The following MRPS5 variants were observed in gnomAD, a reference collection of about 807,000 sequenced individuals.
The protein encoded by MRPS5 is small ribosomal subunit protein uS5m.
A neutral mutation model predicts 51.9 loss-of-function variants in MRPS5; 27 were observed. That is an observed-to-expected ratio of 0.52 (90% CI 0.38 to 0.72). The LOEUF is 0.72. MRPS5 is among the 30% of genes least tolerant of loss of function. The pLI, the probability that MRPS5 is intolerant of heterozygous loss-of-function variation, is 0.00. For missense variants in MRPS5, 570 were observed against 545.7 expected (o/e 1.04, Z -0.44); for synonymous variants, 196 against 193.2 (o/e 1.01, Z -0.12).
At chr2:95,111,049 A>G (rs1424265808) in intron 3 of MRPS5, among the ~76,000 whole-genome samples, 1 of 152,172 alleles carries the variant, frequency 6.6e-6, no homozygotes, top group Non-Finnish European at 1.5e-5. Context: ...TTAGGGTTAT[A>G]ATACTTTTAA....
intron 11 of MRPS5, among the ~76,000 whole-genome samples, chr2:95,089,467 A>C (rs1235863747): frequency 1.3e-5 from 2 of 152,236 alleles, no homozygotes; most frequent in Non-Finnish European, 1.5e-5. Flanking sequence ...TTCAAGAGAC[A>C]GGCCAGCCCT....
rs1474197644 is a variant in MRPS5 at position 95,087,045 on chromosome 2, C to A, written c.*312G>T. Among the ~76,000 whole-genome samples, 1 of 152,146 alleles carries A rather than the reference C, an allele frequency of 6.6e-6. No individual in the cohort carries two copies. The highest frequency in any genetic ancestry group is 2.4e-5 in the African/African-American group (1 of 41,428). ...TATATATTAGCTATAATTACTACAGCAATTATCATTGTGTACATTATTACT... is the reference window on the plus strand; with the variant it reads ...TATATATTAGCTATAATTACTACAGAAATTATCATTGTGTACATTATTACT... On this transcript the variant is annotated 3_prime_UTR_variant, in exon 12 of 12. Transcript: ENST00000272418.
At position 95,109,962 on chromosome 2, in the gene MRPS5, T is replaced by C; in HGVS notation, c.357A>G (p.Lys119=). ...GAKKGRGKRT[K]KKKRKDLNRG... Reference sequence around the variant, plus strand: ...TGTTCAGATCCTTTCTTTTCTTCTTTTTAGTTCTTTTGCCTCTTCCTTTTT... The same window carrying C: ...TGTTCAGATCCTTTCTTTTCTTCTTCTTAGTTCTTTTGCCTCTTCCTTTTT... The change falls in exon 4 of 12, where the codon AAA becomes AAG. Residue 119 remains lysine, a synonymous_variant. Coordinates refer to ENST00000272418, the MANE Select transcript of MRPS5 (RefSeq NM_031902.5). The C allele has an allele frequency of 1.2e-6, 2 of 1,614,120 alleles. No homozygotes were observed. The highest frequency in any genetic ancestry group is 1.7e-6 in the Non-Finnish European group (2 of 1,180,014).
At chr2:95,094,157 G>A (rs1398601826) in intron 10 of MRPS5, among the ~76,000 whole-genome samples, 1 of 152,148 alleles carries the variant, frequency 6.6e-6, no homozygotes, top group African/African-American at 2.4e-5. Flanking sequence ...TCAAATTAAT[G>A]AAATGAAGCA....
chr2:95,101,734 A>G lies in MRPS5; in HGVS notation c.764-11T>C, dbSNP rs1208510739. 3.8e-6 allele frequency: 6 copies of G among 1,590,358 alleles called. No individual in the cohort carries two copies. Among genetic ancestry groups the G allele is most frequent in the Non-Finnish European group, 4.3e-6 (5 of 1,172,428 alleles). On this transcript the variant is annotated splice_polypyrimidine_tract_variant and intron_variant, in intron 7 of 11. Coordinates refer to ENST00000272418, the MANE Select transcript of MRPS5 (RefSeq NM_031902.5). ...TCCCAATAGAAAAACCTTTAAACAA[A>G]AAAGCAAAAATAAGAAAAGAGACAG...
intron 7 of MRPS5, chr2:95,102,052 C>T (rs1314206734): frequency 1.4e-5 from 3 of 211,308 alleles, no homozygotes; most frequent in Admixed American, 5.5e-5. Flanking sequence ...CCCAACTACT[C>T]AGGAGGCTGA....
chr2:95,106,597 C>A lies in MRPS5; in HGVS notation c.638-140G>T, dbSNP rs534428445. ...TTTTGGTCCCACTCTCAAGGCCATG[C>A]CCCAGTCACCCCTCATCACTAGAGA... On this transcript the variant is annotated intron_variant, in intron 5 of 11. Coordinates refer to ENST00000272418, the MANE Select transcript of MRPS5 (RefSeq NM_031902.5). The A allele has an allele frequency of 1.1e-5, 8 of 697,812 alleles. No individual in the cohort carries two copies. The Admixed American group carries it at 1.7e-4, about 14-fold the overall frequency. 43.2% of individuals were successfully genotyped at this position (697,812 alleles called of 1,614,324 possible).
intron 2 of MRPS5, among the ~76,000 whole-genome samples, chr2:95,117,405 A>G (rs923229147): frequency 6.6e-6 from 1 of 151,636 alleles, no homozygotes; most frequent in African/African-American, 2.4e-5. Flanking sequence ...ATAGAATTCT[A>G]CCTAACTCAG....
chr2:95,118,055 G>A, intron 1 of MRPS5, 110 bp from the exon 2 acceptor site: 3 of 770,004 alleles, frequency 3.9e-6, no homozygotes, highest in South Asian at 4.1e-5. Flanking sequence ...AGACGAGGGA[G>A]TAAGTAATTT....
intron 10 of MRPS5, among the ~76,000 whole-genome samples, chr2:95,096,368 C>T (rs907872358): frequency 8.5e-5 from 13 of 152,154 alleles, no homozygotes; most frequent in Admixed American, 1.3e-4. Flanking sequence ...TAAAGCCTGG[C>T]AGAGACACAA....
At position 95,090,465 on chromosome 2, in the gene MRPS5, T is replaced by G. The variant is rs1395355754; in HGVS notation, c.989A>C (p.Lys330Thr). 4.3e-6 allele frequency: 7 copies of G among 1,614,034 alleles called. No homozygotes were observed. Among genetic ancestry groups the G allele is most frequent in the Admixed American group, 1.7e-5 (1 of 59,990 alleles). The change falls in exon 11 of 12, where the codon AAA becomes ACA. Residue 330 changes from lysine to threonine, a missense_variant. Transcript: ENST00000272418. Reference sequence around the variant, plus strand: ...CCCAGAGACCTTGGCATACATGTCTTTGATGCCAATGAGCCGGCAGATGGT... The same window carrying G: ...CCCAGAGACCTTGGCATACATGTCTGTGATGCCAATGAGCCGGCAGATGGT... Reference protein sequence around the residue: ...IITICRLIGIKDMYAKVSGSI... With the variant: ...IITICRLIGITDMYAKVSGSI...
Position 95,085,446 on chromosome 2 carries a change from G to C in MRPS5, c.*1911C>G, listed in dbSNP as rs905661176. On this transcript the variant is annotated 3_prime_UTR_variant, in exon 12 of 12. Transcript: ENST00000272418. ...GTCTTTATATTTGTTAGGTACTTAA[G>C]AAGGAAAACTAACAGGACAGATAAG... 6.6e-6 allele frequency among the ~76,000 whole-genome samples: 1 copy of C among 152,160 alleles called. No homozygotes were observed. The highest frequency in any genetic ancestry group is 6.5e-5 in the Admixed American group (1 of 15,286).
At position 95,116,890 on chromosome 2, in the gene MRPS5, G is replaced by A. The variant is rs111360659; in HGVS notation, c.139+975C>T. 2.7e-3 allele frequency among the ~76,000 whole-genome samples: 409 copies of A among 152,162 alleles called. 2 individuals carry two copies. The highest frequency in any genetic ancestry group is 6.8e-3 in the Middle Eastern group (2 of 294). The stretch of plus-strand genomic sequence containing the variant: ...CACATGCCTGTAATGCCTATAATCC[G>A]AGCACTTTGGGAGGCCGATGAGGGC... On this transcript the variant is annotated intron_variant, in intron 2 of 11. Transcript: ENST00000272418.
chr2:95,108,036 T>G, intron 5 of MRPS5, 139 bp downstream of exon 5: 1 of 690,676 alleles, frequency 1.4e-6, no homozygotes, highest in Non-Finnish European at 2.5e-6. Context: ...GATATTGATG[T>G]GATATGTTAT....
chr2:95,097,387 C>T (rs1473331644), intron 10 of MRPS5, among the ~76,000 whole-genome samples: 1 of 152,164 alleles, frequency 6.6e-6, no homozygotes, highest in African/African-American at 2.4e-5. Context: ...GCCCGCATTG[C>T]CAAGACAATC....
At chr2:95,088,880 A>T (rs1675376354) in intron 11 of MRPS5, among the ~76,000 whole-genome samples, 1 of 152,244 alleles carries the variant, frequency 6.6e-6, no homozygotes, top group Admixed American at 6.5e-5. Context: ...CAGCCTGACC[A>T]ACATGGTGAA....
In MRPS5 at chr2:95,121,722, C is replaced by A; in HGVS notation, c.58+12G>T. ...CGCTCAGAGCCCCTGCTCCCGGCGT[C>A]CCAGCTCTCACCTGCCGTCCCGCTA... On this transcript the variant is annotated intron_variant, in intron 1 of 11. Transcript: ENST00000272418. 6.5e-7 allele frequency: 1 copy of A among 1,537,448 alleles called. No homozygotes were observed. The highest frequency in any genetic ancestry group is 2.5e-5 in the East Asian group (1 of 40,022).
chr2:95,104,285 T>G (rs1256759864), intron 7 of MRPS5: 1 of 176,226 alleles, frequency 5.7e-6, no homozygotes. Context: ...AATTCTTTAA[T>G]GGATACAGAA....
chr2:95,093,916 T>C (rs540610971), intron 10 of MRPS5, among the ~76,000 whole-genome samples: 35 of 152,244 alleles, frequency 2.3e-4, no homozygotes, highest in African/African-American at 8.4e-4. Context: ...CTTCAGAAGG[T>C]CGGTAATAAC....
Sources: gnomAD v4.1 joint callset for allele counts (sites outside exome capture counted in the v4.1 genomes callset) on GRCh38, gnomAD v4.1.1 for gene constraint, MANE v1.5 for transcripts, NCBI Gene and HGNC (gene_info 2026-07-23, HGNC 2026-07-21) for gene names.